KIF16B: variants seen among roughly 807,000 people sequenced by gnomAD.
KIF16B encodes kinesin-like protein KIF16B.
KIF16B carries 98 observed loss-of-function variants against 156.3 expected under a neutral mutation model. The observed-to-expected ratio is 0.63, with a 90% CI of 0.53 to 0.74. The LOEUF (loss-of-function observed/expected upper bound fraction) is 0.74, where lower values mean the gene tolerates loss of function less well. Ranked by LOEUF, KIF16B falls within the 30% of genes least tolerant of loss-of-function variation. The pLI, the probability that KIF16B is intolerant of heterozygous loss-of-function variation, is 0.00. For synonymous variants in KIF16B, 564 were observed against 583.7 expected (o/e 0.97, Z 0.49); for missense variants, 1,421 against 1,606.5 (o/e 0.88, Z 1.97).
rs55770608 is a variant in KIF16B, at chr20:16,551,132, C to CTTCTTTTT, written c.47+22096_47+22097insAAAAAGAA. On this transcript the variant is annotated intron_variant, in intron 1 of 25. Transcript: ENST00000354981. ...AACCACCAGTGAGGGGCTTTCTCTT[C>CTTCTTTTT]TTTTTTTTTTTTTTTTGAGATGCAG... is the stretch of plus-strand genomic sequence containing the variant. Among the ~76,000 whole-genome samples, 101 of 139,108 alleles carry CTTCTTTTT rather than the reference C, an allele frequency of 7.3e-4. 1 individual carries two copies. The highest frequency in any genetic ancestry group is 3.6e-3 in the East Asian group (17 of 4,710). 91.3% of individuals were successfully genotyped at this position (139,108 alleles called of 152,430 possible). A position where few individuals can be genotyped will look rare whatever the true frequency, so the allele number is the denominator to read the frequency against.
chr20:16,380,102 G>A lies in KIF16B; in HGVS notation c.1900C>T (p.Gln634Ter). ...TTGCGCTGGGTCTCCACCTCCTGCT[G>A]CATCCGCTCCAGTTCAGCCTTGTCT... is the stretch of plus-strand genomic sequence containing the variant. The part of the protein sequence containing the change: ...KSDKAELERM[Q>*]QEVETQRKET... Residue 634 changes from glutamine (Q) to a stop codon, truncating the protein, a stop_gained, in exon 19 of 26, where the codon CAG becomes TAG. Transcript: ENST00000354981. LOFTEE classifies it high-confidence loss of function. The A allele has an allele frequency of 6.5e-7, 1 of 1,527,250 alleles. No individual in the cohort carries two copies. The highest frequency in any genetic ancestry group is 1.3e-5 in the South Asian group (1 of 74,142). The allele number at this position is 1,527,250 out of a possible 1,614,324, so 94.6% of individuals were successfully genotyped here.
At position 16,526,256 on chromosome 20, in the gene KIF16B, T is replaced by C. The variant is rs761027915; in HGVS notation, c.118-51A>G. On this transcript the variant is annotated intron_variant, in intron 2 of 25. Coordinates refer to ENST00000354981, the MANE Select transcript of KIF16B (RefSeq NM_024704.5). ...ATGATAATGTAAAGAGCACTGCCAT[T>C]TGACCCAAATTTCCATGTTTATACC... 8.3e-5 allele frequency: 83 copies of C among 995,636 alleles called. 1 individual carries two copies. Among genetic ancestry groups the C allele is most frequent in the Middle Eastern group, 4.3e-4 (2 of 4,602 alleles). The allele number at this position is 995,636 out of a possible 1,614,324, so 61.7% of individuals were successfully genotyped here.
intron 3 of KIF16B, among the ~76,000 whole-genome samples, chr20:16,518,541 T>A (rs2069222096): frequency 6.6e-6 from 1 of 152,152 alleles, no homozygotes; most frequent in Non-Finnish European, 1.5e-5. Flanking sequence ...CTGGGAGATG[T>A]TAGGTTTCAA....
At chr20:16,416,761 G>A (rs898382362) in intron 15 of KIF16B, among the ~76,000 whole-genome samples, 4 of 151,046 alleles carry the variant, frequency 2.6e-5, no homozygotes, top group African/African-American at 9.7e-5. Flanking sequence ...GTGGATTGAA[G>A]AAAACCAAGA....
intron 15 of KIF16B, among the ~76,000 whole-genome samples, chr20:16,407,764 T>A (rs750285696): frequency 1.3e-5 from 2 of 152,146 alleles, no homozygotes; most frequent in Admixed American, 6.6e-5. Flanking sequence ...GGTCACAAAC[T>A]GGTGGCCAGA....
intron 1 of KIF16B, among the ~76,000 whole-genome samples, chr20:16,544,716 C>T (rs1225948122): frequency 6.6e-6 from 1 of 151,634 alleles, no homozygotes; most frequent in Non-Finnish European, 1.5e-5. Flanking sequence ...GCAGTTACCA[C>T]ATTTGACCTG....
At chr20:16,401,767 A>C (rs1341325921) in intron 17 of KIF16B, among the ~76,000 whole-genome samples, 1 of 152,114 alleles carries the variant, frequency 6.6e-6, no homozygotes, top group Non-Finnish European at 1.5e-5. Context: ...AGTTACTCTT[A>C]ATTCCTTGAT....
chr20:16,362,307 T>A (rs926204618), intron 22 of KIF16B, among the ~76,000 whole-genome samples: 1 of 151,056 alleles, frequency 6.6e-6, no homozygotes, highest in Admixed American at 6.6e-5. Flanking sequence ...TACAAACTTA[T>A]GTGCATCAAA....
intron 12 of KIF16B, among the ~76,000 whole-genome samples, chr20:16,433,508 G>T (rs2066559423): frequency 6.6e-6 from 1 of 151,666 alleles, no homozygotes; most frequent in African/African-American, 2.4e-5. Context: ...ATTTTGAAAG[G>T]CATTGGAAAT....
chr20:16,377,896 C>CA lies in KIF16B; in HGVS notation c.3197+908dup, dbSNP rs1411639214. On this transcript the variant is annotated intron_variant, in intron 19 of 25. Transcript: ENST00000354981. The stretch of plus-strand genomic sequence containing the variant: ...AAGGAAGATAAATATTCTTACCTTA[C>CA]AAGACAAGAGTGCTAATTTCCTAGT... Among the ~76,000 whole-genome samples the CA allele has an allele frequency of 3.9e-5, 6 of 152,276 alleles. No individual in the cohort carries two copies. In the East Asian group the frequency reaches 1.2e-3, roughly 29 times the overall value.
At chr20:16,301,354 A>C (rs1039908342) in intron 25 of KIF16B, among the ~76,000 whole-genome samples, 24 of 152,220 alleles carry the variant, frequency 1.6e-4, no homozygotes, top group African/African-American at 5.8e-4. Flanking sequence ...AATGCCAAGG[A>C]GTGAGAGGGC....
intron 25 of KIF16B, among the ~76,000 whole-genome samples, chr20:16,281,804 CT>C (rs2063150319): frequency 1.3e-5 from 2 of 152,090 alleles, no homozygotes; most frequent in South Asian, 4.1e-4. Context: ...CAGGTGCATG[CT>C]GGCTGGCACC....
intron 1 of KIF16B, among the ~76,000 whole-genome samples, chr20:16,549,144 C>A (rs1452236298): frequency 1.3e-5 from 2 of 149,506 alleles, no homozygotes; most frequent in Admixed American, 6.7e-5. Context: ...CACCCACTAA[C>A]TCGTCATCTA....
chr20:16,352,809 T>C (rs1449384111), intron 23 of KIF16B, among the ~76,000 whole-genome samples: 1 of 151,840 alleles, frequency 6.6e-6, no homozygotes, highest in Non-Finnish European at 1.5e-5. Flanking sequence ...GTCTCCCTCC[T>C]GGGGCCCCTC....
chr20:16,484,199 C>A (rs1362033160), intron 12 of KIF16B, among the ~76,000 whole-genome samples: 4 of 152,124 alleles, frequency 2.6e-5, no homozygotes, highest in African/African-American at 9.7e-5. Context: ...AAATGTTATT[C>A]AAAAGTAAGA....
chr20:16,432,719 G>A (rs546814413), intron 12 of KIF16B, among the ~76,000 whole-genome samples: 47 of 152,120 alleles, frequency 3.1e-4, no homozygotes, highest in African/African-American at 1.1e-3. Context: ...ATGCGAGAGG[G>A]CGGTGAAATG....
chr20:16,458,476 C>T (rs1377846439), intron 12 of KIF16B, among the ~76,000 whole-genome samples: 1 of 152,088 alleles, frequency 6.6e-6, no homozygotes, highest in Non-Finnish European at 1.5e-5. Flanking sequence ...GACAGCATTT[C>T]TGATATCAAT....
intron 15 of KIF16B, among the ~76,000 whole-genome samples, chr20:16,410,895 C>T (rs992248851): frequency 2.6e-5 from 4 of 151,318 alleles, no homozygotes; most frequent in Admixed American, 1.3e-4. Context: ...GTCCTTGGCA[C>T]CCTTAGTTCC....
At chr20:16,450,454 A>G (rs2067049735) in intron 12 of KIF16B, among the ~76,000 whole-genome samples, 1 of 152,220 alleles carries the variant, frequency 6.6e-6, no homozygotes, top group African/African-American at 2.4e-5. Flanking sequence ...CTTTCCCAGC[A>G]TGAAGCAGAC....
Sources: allele counts gnomAD v4.1 joint callset (sites outside exome capture counted in the v4.1 genomes callset), GRCh38; gene constraint gnomAD v4.1.1; transcripts MANE v1.5; gene names NCBI Gene and HGNC (gene_info 2026-07-23, HGNC 2026-07-21).